The following TPCN1 variants were observed in gnomAD, a reference collection of about 807,000 sequenced individuals.
TPCN1 encodes two pore segment channel 1.
TPCN1 carries 52 observed loss-of-function variants against 108.8 expected under a neutral mutation model. That is an observed-to-expected ratio of 0.48 (90% confidence interval 0.38 to 0.60). The LOEUF (loss-of-function observed/expected upper bound fraction) is 0.60, where lower values mean the gene tolerates loss of function less well. Among genes scored for constraint, TPCN1 ranks in the 20% least tolerant of loss-of-function variants. The probability of loss-of-function intolerance (pLI) is 0.00; values close to 1 mark genes in which losing one functional copy is unlikely to be tolerated. For missense variants in TPCN1, 806 were observed against 1,072.8 expected, an observed-to-expected ratio of 0.75 and a Z score of 3.47; for synonymous variants, 446 against 433.7, an observed-to-expected ratio of 1.03 and a Z score of -0.35.
intron 10 of TPCN1, 66 bp from the exon 11 acceptor site, chr12:113,276,853 C>G: frequency 9.3e-7 from 1 of 1,080,160 alleles, no homozygotes; most frequent in Non-Finnish European, 1.4e-6. Flanking sequence ...GAACTCATAC[C>G]CCCCTGCACT....
At chr12:113,230,853 C>A (rs919569478) in intron 2 of TPCN1, among the ~76,000 whole-genome samples, 2 of 152,214 alleles carry the variant, frequency 1.3e-5, no homozygotes, top group African/African-American at 4.8e-5. Context: ...TCTGGGGCCT[C>A]GCAGCCCATG....
At position 113,292,924 on chromosome 12, in the gene TPCN1, A is replaced by G; in HGVS notation, c.2114-10A>G. 1 of 1,609,150 alleles carries G rather than the reference A, an allele frequency of 6.2e-7. No individual in the cohort carries two copies. Among genetic ancestry groups the G allele is most frequent in the South Asian group, 1.1e-5 (1 of 90,550 alleles). On this transcript the variant is annotated splice_polypyrimidine_tract_variant and intron_variant, in intron 25 of 27. Coordinates refer to ENST00000335509, the MANE Select transcript of TPCN1 (RefSeq NM_017901.6). ...CGGGCCCTTCCCACACCTGCCTTCC[A>G]TCCCTGCAGTTGATGGTGGCATCAC...
chr12:113,252,665 G>A (rs1471714759), intron 2 of TPCN1, among the ~76,000 whole-genome samples: 1 of 152,220 alleles, frequency 6.6e-6, no homozygotes, highest in Admixed American at 6.5e-5. Flanking sequence ...TGGGGCATGT[G>A]GAGGTCGTGG....
rs1250081983 is a variant in TPCN1 at position 113,260,407 on chromosome 12, G to A, written c.152G>A (p.Ser51Asn). The change falls in exon 3 of 28, where the codon AGT (serine) becomes AAT (asparagine). Residue 51 changes from serine to asparagine, a missense_variant. Coordinates refer to ENST00000335509, the MANE Select transcript of TPCN1 (RefSeq NM_017901.6). Reference sequence around the variant, plus strand: ...GCCATCCACGACTCCCAGGCCCCCAGTCTCAGCTCTGGGGGTGAGAGTTCC... The same window carrying A: ...GCCATCCACGACTCCCAGGCCCCCAATCTCAGCTCTGGGGGTGAGAGTTCC... ...SYAIHDSQAP[S>N]LSSGGESSPS... is the part of the protein sequence containing the mutation. The A allele has an allele frequency of 3.3e-6, 5 of 1,529,800 alleles. No homozygotes were observed. The Admixed American group carries it at 7.0e-5, about 21-fold the overall frequency. The allele number at this position is 1,529,800 out of a possible 1,614,324, so 94.8% of individuals were successfully genotyped here. A position where few individuals can be genotyped will look rare whatever the true frequency, so the allele number is the denominator to read the frequency against.
chr12:113,245,095 T>C (rs1368386920), intron 2 of TPCN1, among the ~76,000 whole-genome samples: 2 of 152,034 alleles, frequency 1.3e-5, no homozygotes, highest in South Asian at 2.1e-4. Flanking sequence ...GATGAAACCC[T>C]GTCTCTACAA....
intron 3 of TPCN1, among the ~76,000 whole-genome samples, chr12:113,264,089 T>C (rs1955150568): frequency 6.6e-6 from 1 of 152,128 alleles, no homozygotes; most frequent in Non-Finnish European, 1.5e-5. Flanking sequence ...TTTTTGGTTA[T>C]TGAAACCAGA....
At chr12:113,227,726 C>G (rs1464632919) in intron 2 of TPCN1, among the ~76,000 whole-genome samples, 1 of 152,128 alleles carries the variant, frequency 6.6e-6, no homozygotes, top group Admixed American at 6.6e-5. Context: ...GTCTGCTTAG[C>G]AAATGGATGT....
chr12:113,230,770 T>C (rs531697478), intron 2 of TPCN1, among the ~76,000 whole-genome samples: 1 of 152,332 alleles, frequency 6.6e-6, no homozygotes, highest in African/African-American at 2.4e-5. Flanking sequence ...CATTTGTCTT[T>C]GTATCACATA....
intron 2 of TPCN1, chr12:113,245,983 T>G (rs1566150644): frequency 2.2e-6 from 1 of 456,104 alleles, no homozygotes; most frequent in Admixed American, 2.3e-5. Context: ...CGATGTGGCG[T>G]GCAAAGCAGC....
At chr12:113,252,794 C>A (rs16942672) in intron 2 of TPCN1, among the ~76,000 whole-genome samples, 17,520 of 152,122 alleles carry the variant, frequency 0.12, 1,220 homozygotes, top group East Asian at 0.21. Flanking sequence ...AGATTGAGGA[C>A]GGTGGTTTGA....
intron 2 of TPCN1, among the ~76,000 whole-genome samples, chr12:113,258,338 C>T (rs899856827): frequency 2.0e-5 from 3 of 152,110 alleles, no homozygotes; most frequent in Admixed American, 1.3e-4. Flanking sequence ...TGGTGTTAGG[C>T]ACCTGTAATC....
intron 2 of TPCN1, chr12:113,246,111 G>C (rs956543570): frequency 2.2e-6 from 1 of 446,150 alleles, no homozygotes; most frequent in African/African-American, 2.0e-5. Context: ...TGTCTCTCCT[G>C]CTTCGAGTCA....
At chr12:113,230,704 C>T (rs1376266463) in intron 2 of TPCN1, among the ~76,000 whole-genome samples, 2 of 152,198 alleles carry the variant, frequency 1.3e-5, no homozygotes, top group Non-Finnish European at 2.9e-5. Flanking sequence ...GATCTATCCG[C>T]CTTGGCCTCC....
At chr12:113,283,125 C>T (rs1207653174) in intron 15 of TPCN1, among the ~76,000 whole-genome samples, 2 of 152,116 alleles carry the variant, frequency 1.3e-5, no homozygotes, top group East Asian at 1.9e-4. Flanking sequence ...GGTTCCAAGT[C>T]AGATCTACCA....
intron 4 of TPCN1, 76 bp from the exon 5 acceptor site, chr12:113,267,767 C>A: frequency 1.0e-6 from 1 of 997,896 alleles, no homozygotes; most frequent in South Asian, 1.3e-5. Context: ...ACTCCCAGGT[C>A]CTGGGAGGGT....
At position 113,288,026 on chromosome 12, in the gene TPCN1, G is replaced by A. The variant is rs567013562; in HGVS notation, c.1635-137G>A. The A allele has an allele frequency of 9.9e-6, 8 of 804,090 alleles. No homozygotes were observed. In the Admixed American group the frequency reaches 1.3e-4, roughly 13 times the overall value. 49.8% of individuals were successfully genotyped at this position (804,090 alleles called of 1,614,324 possible). A position where few individuals can be genotyped will look rare whatever the true frequency, so the allele number is the denominator to read the frequency against. ...CAGCTCAGGGTTGGTGGCGCCCAAG[G>A]GAGTGGACGCAGGTGGAGGAGAGGC... On this transcript the variant is annotated intron_variant, in intron 19 of 27. Coordinates refer to ENST00000335509, the MANE Select transcript of TPCN1 (RefSeq NM_017901.6). The surrounding 1 kb of genome is among the most constrained non-coding windows in gnomAD (Gnocchi z 4.8).
chr12:113,266,290 C>T lies in TPCN1; in HGVS notation c.348C>T (p.Ala116=), dbSNP rs1955257911. The change falls in exon 4 of 28, where the codon GCC becomes GCT. Residue 116 remains alanine (A), a synonymous_variant. Transcript: ENST00000335509. The surrounding 1 kb of genome is among the most constrained non-coding windows in gnomAD (Gnocchi z 4.2). ...TCTACCTGATGGAGCTGGCCACGGCCCTGCTGCTGCTGCTGCTCTCCCTGT... is the reference window on the plus strand; with the variant it reads ...TCTACCTGATGGAGCTGGCCACGGCTCTGCTGCTGCTGCTGCTCTCCCTGT... ...HLFYLMELAT[A]LLLLLLSLCE... 1.2e-6 allele frequency: 2 copies of T among 1,613,200 alleles called. No individual in the cohort carries two copies. The highest frequency in any genetic ancestry group is 1.7e-6 in the Non-Finnish European group (2 of 1,179,896).
At chr12:113,252,529 G>C (rs550348221) in intron 2 of TPCN1, among the ~76,000 whole-genome samples, 1 of 152,206 alleles carries the variant, frequency 6.6e-6, no homozygotes, top group African/African-American at 2.4e-5. Flanking sequence ...CTCGTGTCTA[G>C]TGTCAAGTGG....
rs573987119 is a variant in TPCN1 at position 113,255,718 on chromosome 12, C to T, written c.113-4650C>T. Among the ~76,000 whole-genome samples, 22 of 149,022 alleles carry T rather than the reference C, an allele frequency of 1.5e-4. No individual in the cohort carries two copies. The East Asian group carries it at 3.6e-3, about 25-fold the overall frequency. ...TTTTTTGTATTTTAGTAGAGACGGG[C>T]GGGGTTTCACTATGTTGCCCAGGGT... On this transcript the variant is annotated intron_variant, in intron 2 of 27. Transcript: ENST00000335509.
Sources: allele counts gnomAD v4.1 joint callset (sites outside exome capture counted in the v4.1 genomes callset), GRCh38; gene constraint gnomAD v4.1.1; non-coding constraint Gnocchi (gnomAD v3.1); transcripts MANE v1.5; gene names NCBI Gene and HGNC (gene_info 2026-07-23, HGNC 2026-07-21).